Variants in SLC2A13 observed in about 807,000 individuals in gnomAD.
SLC2A13 encodes the protein solute carrier family 2 member 13.
SLC2A13 carries 32 observed loss-of-function variants against 64.4 expected under a neutral mutation model. The ratio of observed to expected loss-of-function variants is 0.50; its 90% CI spans 0.37 to 0.67. The LOEUF (loss-of-function observed/expected upper bound fraction) is 0.67, where lower values mean the gene tolerates loss of function less well. Ranked by LOEUF, SLC2A13 falls within the 30% of genes least tolerant of loss-of-function variation. The pLI is 0.00. For missense variants in SLC2A13, 743 were observed against 829.2 expected, an observed-to-expected ratio of 0.90 and a Z score of 1.28; for synonymous variants, 338 against 327.1, an observed-to-expected ratio of 1.03 and a Z score of -0.36.
intron 5 of SLC2A13, among the ~76,000 whole-genome samples, chr12:39,867,348 T>C (rs190303057): frequency 1.3e-5 from 2 of 152,278 alleles, no homozygotes; most frequent in East Asian, 3.9e-4. Flanking sequence ...GCCTAGCACA[T>C]ATCCAGTAAG....
chr12:39,930,146 C>A (rs533791150), intron 4 of SLC2A13, among the ~76,000 whole-genome samples: 27 of 145,600 alleles, frequency 1.9e-4, no homozygotes, highest in Middle Eastern at 3.6e-3. Context: ...AAAAAAAAAA[C>A]CAAAAAACGA....
chr12:39,865,696 G>C (rs1243497910), intron 5 of SLC2A13, among the ~76,000 whole-genome samples: 1 of 152,198 alleles, frequency 6.6e-6, no homozygotes, highest in Non-Finnish European at 1.5e-5. Context: ...CTATGCAGCT[G>C]TAAAAAAGAA....
intron 3 of SLC2A13, among the ~76,000 whole-genome samples, chr12:39,992,929 A>G (rs562039939): frequency 1.3e-5 from 2 of 152,326 alleles, no homozygotes; most frequent in African/African-American, 2.4e-5. Flanking sequence ...CCAAAATAAA[A>G]TCTATCACTT....
chr12:39,978,363 C>A (rs146657687), intron 3 of SLC2A13, among the ~76,000 whole-genome samples: 1 of 152,190 alleles, frequency 6.6e-6, no homozygotes, highest in Admixed American at 6.5e-5. Context: ...CAGCTCCCAG[C>A]GTAAGCGATG....
At chr12:40,044,967 C>T (rs1948149492) in intron 2 of SLC2A13, among the ~76,000 whole-genome samples, 1 of 152,104 alleles carries the variant, frequency 6.6e-6, no homozygotes, top group Non-Finnish European at 1.5e-5. Context: ...CAAGTAATAG[C>T]CATGTGGTCT....
At chr12:40,026,852 G>A (rs1034198865) in intron 3 of SLC2A13, among the ~76,000 whole-genome samples, 3 of 152,120 alleles carry the variant, frequency 2.0e-5, no homozygotes, top group African/African-American at 7.2e-5. Context: ...GGCCAAGGTG[G>A]GCAGATCACC....
At chr12:40,071,813 G>A (rs1025506861) in intron 1 of SLC2A13, among the ~76,000 whole-genome samples, 1 of 151,902 alleles carries the variant, frequency 6.6e-6, no homozygotes, top group African/African-American at 2.4e-5. Context: ...CAATTTATGT[G>A]GTCTCTTTTT....
intron 3 of SLC2A13, among the ~76,000 whole-genome samples, chr12:40,021,689 T>C (rs1592014197): frequency 6.6e-6 from 1 of 152,218 alleles, no homozygotes; most frequent in Non-Finnish European, 1.5e-5. Flanking sequence ...AAAGTTCACC[T>C]AGTAAATGAC....
intron 4 of SLC2A13, among the ~76,000 whole-genome samples, chr12:39,939,919 T>G (rs1945989976): frequency 6.6e-6 from 1 of 152,146 alleles, no homozygotes; most frequent in African/African-American, 2.4e-5. Flanking sequence ...CTACTTCACT[T>G]TATAGGTAAT....
chr12:39,760,334 T>C, intron 9 of SLC2A13, 82 bp from the exon 10 acceptor site: 1 of 1,318,170 alleles, frequency 7.6e-7, no homozygotes, highest in Non-Finnish European at 1.0e-6. Flanking sequence ...TTTTGACTTT[T>C]TTTTTCTGGT....
intron 4 of SLC2A13, among the ~76,000 whole-genome samples, chr12:39,941,462 A>G (rs1430456545): frequency 2.6e-5 from 4 of 152,170 alleles, no homozygotes; most frequent in African/African-American, 7.2e-5. Flanking sequence ...GATCATGGCC[A>G]TTCCTACAGG....
chr12:40,001,410 T>C (rs1268310376), intron 3 of SLC2A13, among the ~76,000 whole-genome samples: 1 of 152,276 alleles, frequency 6.6e-6, no homozygotes, highest in African/African-American at 2.4e-5. Flanking sequence ...TTAGCCTACA[T>C]GCTGTTATCT....
At chr12:39,824,763 A>G (rs1318500191) in intron 7 of SLC2A13, among the ~76,000 whole-genome samples, 6 of 152,106 alleles carry the variant, frequency 3.9e-5, no homozygotes, top group Non-Finnish European at 8.8e-5. Flanking sequence ...GGAGTGCTAG[A>G]GGGCAGCAGG....
chr12:39,961,077 CT>C (rs1014189208), intron 3 of SLC2A13, among the ~76,000 whole-genome samples: 610 of 133,398 alleles, frequency 4.6e-3, no homozygotes, highest in East Asian at 6.8e-3. Context: ...ATGTTTTTTT[CT>C]TTTTTTTTTT....
At chr12:39,849,059 A>G (rs544826015) in intron 6 of SLC2A13, among the ~76,000 whole-genome samples, 26 of 152,236 alleles carry the variant, frequency 1.7e-4, no homozygotes, top group Non-Finnish European at 3.4e-4. Context: ...AACAAAAAAG[A>G]TAACTATTGG....
At chr12:40,052,783 G>A (rs1272030029) in intron 1 of SLC2A13, among the ~76,000 whole-genome samples, 7 of 151,968 alleles carry the variant, frequency 4.6e-5, no homozygotes, top group East Asian at 3.9e-4. Flanking sequence ...GGGACAATGC[G>A]CATAACTGAA....
intron 4 of SLC2A13, among the ~76,000 whole-genome samples, chr12:39,909,714 A>G (rs1945380276): frequency 1.3e-5 from 2 of 152,122 alleles, no homozygotes; most frequent in Non-Finnish European, 2.9e-5. Flanking sequence ...TCTGCACAGA[A>G]TAATTTATTT....
chr12:39,955,058 T>A (rs1168236220), intron 3 of SLC2A13, among the ~76,000 whole-genome samples: 2 of 152,194 alleles, frequency 1.3e-5, no homozygotes, highest in East Asian at 3.8e-4. Context: ...GAGCAGGATA[T>A]GCATTCTTAA....
At chr12:39,775,907 T>C (rs1471656906) in intron 7 of SLC2A13, among the ~76,000 whole-genome samples, 1 of 152,222 alleles carries the variant, frequency 6.6e-6, no homozygotes, top group Non-Finnish European at 1.5e-5. Context: ...TAATCTGAAA[T>C]CCAAAATGCT....
Sources: gnomAD v4.1 joint callset for allele counts (sites outside exome capture counted in the v4.1 genomes callset) on GRCh38, gnomAD v4.1.1 for gene constraint, MANE v1.5 for transcripts, NCBI Gene and HGNC (gene_info 2026-07-23, HGNC 2026-07-21) for gene names.